PDE1C: variants seen among roughly 807,000 people sequenced by gnomAD.
PDE1C encodes the protein phosphodiesterase 1C.
A neutral mutation model predicts 93.1 loss-of-function variants in PDE1C; 62 were observed. The observed-to-expected ratio is 0.67, with a 90% CI of 0.54 to 0.82. PDE1C has a LOEUF of 0.82. PDE1C is among the 40% of genes least tolerant of loss of function. The probability of loss-of-function intolerance (pLI) is 0.00; values close to 1 mark genes in which losing one functional copy is unlikely to be tolerated. For missense variants in PDE1C, 742 were observed against 884.6 expected, an observed-to-expected ratio of 0.84 and a Z score of 2.04; for synonymous variants, 325 against 310.1, an observed-to-expected ratio of 1.05 and a Z score of -0.50.
chr7:31,983,945 G>C (rs1783035036), intron 2 of PDE1C, among the ~76,000 whole-genome samples: 1 of 152,176 alleles, frequency 6.6e-6, no homozygotes, highest in African/African-American at 2.4e-5. Flanking sequence ...ATGTGGGGTG[G>C]AGTAGGTCAA....
chr7:31,956,124 G>A (rs1458733685), intron 2 of PDE1C, among the ~76,000 whole-genome samples: 1 of 151,438 alleles, frequency 6.6e-6, no homozygotes. Context: ...TTTTTTTTGA[G>A]ACAGAGTCGC....
At position 32,394,426 on chromosome 7, in the gene PDE1C, T is replaced by C. The variant is rs143089313; in HGVS notation, c.310+33396A>G. ...GGCCTACTAGAAGGTGTTTGGGTGATGGGGGAGGATCCCTCATTAATGGCT... is the reference window on the plus strand; with the variant it reads ...GGCCTACTAGAAGGTGTTTGGGTGACGGGGGAGGATCCCTCATTAATGGCT... On this transcript the variant is annotated intron_variant, in intron 1 of 1. Transcript: ENST00000672256. 1.5e-3 allele frequency among the ~76,000 whole-genome samples: 222 copies of C among 152,302 alleles called. 2 individuals carry two copies. The highest frequency in any genetic ancestry group is 4.3e-3 in the African/African-American group (179 of 41,564).
chr7:32,327,447 C>G (rs1783424424), intron 1 of PDE1C, among the ~76,000 whole-genome samples: 1 of 152,130 alleles, frequency 6.6e-6, no homozygotes, highest in Non-Finnish European at 1.5e-5. Flanking sequence ...GTAACATTAT[C>G]TGGGTTTCTA....
intron 2 of PDE1C, among the ~76,000 whole-genome samples, chr7:32,175,414 T>C (rs575181705): frequency 2.0e-4 from 31 of 152,220 alleles, no homozygotes; most frequent in Non-Finnish European, 3.8e-4. Context: ...AAATGCTTTA[T>C]TGCTGAAATA....
At position 32,319,784 on chromosome 7, in the gene PDE1C, C is replaced by A. The variant is rs569295993; in HGVS notation, c.310+108038G>T. On this transcript the variant is annotated intron_variant, in intron 1 of 1. Coordinates refer to the PDE1C transcript ENST00000672256. ...GCTCTGGGTATGAAGGCTGAAAAGT[C>A]AAATGGATTCTGAAGTGAAATTGCT... is the stretch of plus-strand genomic sequence containing the variant. Among the ~76,000 whole-genome samples the A allele has an allele frequency of 8.5e-5, 13 of 152,290 alleles. No homozygotes were observed. The South Asian group carries it at 2.7e-3, about 32-fold the overall frequency.
intron 16 of PDE1C, among the ~76,000 whole-genome samples, chr7:31,794,081 C>CAGATAGATAGATAGATAGAT (rs1213702808): frequency 5.1e-4 from 69 of 135,734 alleles, no homozygotes; most frequent in South Asian, 1.8e-3. Flanking sequence ...GACAGACAGA[C>CAGATAGATAGATAGATAGAT]AGACAGACAG....
chr7:31,651,095 G>A, the PDE1C span: 2 of 1,588,092 alleles, frequency 1.3e-6, no homozygotes, highest in Non-Finnish European at 1.7e-6. Flanking sequence ...AGCTCTTGCA[G>A]AGGATCAGAG....
intron 1 of PDE1C, among the ~76,000 whole-genome samples, chr7:32,417,164 T>G (rs1785292137): frequency 6.6e-6 from 1 of 152,142 alleles, no homozygotes; most frequent in South Asian, 2.1e-4. Context: ...CATAGTCAGT[T>G]CTGTGGCACA....
intron 1 of PDE1C, among the ~76,000 whole-genome samples, chr7:32,325,723 C>T (rs1204832303): frequency 6.6e-6 from 1 of 152,198 alleles, no homozygotes; most frequent in Non-Finnish European, 1.5e-5. Context: ...GCCACCAATT[C>T]CTCTTCCAGT....
At chr7:32,130,210 A>C (rs1799840251) in intron 3 of PDE1C, among the ~76,000 whole-genome samples, 1 of 152,044 alleles carries the variant, frequency 6.6e-6, no homozygotes, top group African/African-American at 2.4e-5. Context: ...CAAAACAACT[A>C]TCTTTCCCTC....
the PDE1C span, among the ~76,000 whole-genome samples, chr7:31,670,568 A>C: frequency 1.3e-5 from 2 of 152,262 alleles, no homozygotes; most frequent in African/African-American, 4.8e-5. Flanking sequence ...GATTCTAAAA[A>C]GGTTGAAGTA....
intron 1 of PDE1C, among the ~76,000 whole-genome samples, chr7:32,307,775 A>G (rs907802671): frequency 6.6e-6 from 1 of 152,250 alleles, no homozygotes; most frequent in Non-Finnish European, 1.5e-5. Context: ...GAATAGGAAC[A>G]GCTCCAGTCT....
At chr7:31,696,498 A>C in the PDE1C span, among the ~76,000 whole-genome samples, 1 of 152,224 alleles carries the variant, frequency 6.6e-6, no homozygotes, top group African/African-American at 2.4e-5. Context: ...GAAAAATTTC[A>C]CTGTAGCATA....
At chr7:31,660,732 C>T in the PDE1C span, among the ~76,000 whole-genome samples, 1 of 151,954 alleles carries the variant, frequency 6.6e-6, no homozygotes, top group Non-Finnish European at 1.5e-5. Flanking sequence ...TTTCTGTAAA[C>T]CACTTCAAAT....
intron 1 of PDE1C, among the ~76,000 whole-genome samples, chr7:32,386,810 A>C (rs1171307753): frequency 6.6e-6 from 1 of 152,098 alleles, no homozygotes; most frequent in Non-Finnish European, 1.5e-5. Context: ...CATTGTGCCA[A>C]ATAGCCGTCA....
At chr7:32,201,057 T>C (rs1804975680) in intron 2 of PDE1C, among the ~76,000 whole-genome samples, 1 of 152,246 alleles carries the variant, frequency 6.6e-6, no homozygotes, top group African/African-American at 2.4e-5. Context: ...CCATGCAGCA[T>C]AGCTGCAAAA....
the PDE1C span, chr7:31,642,312 C>A: frequency 1.6e-6 from 2 of 1,217,884 alleles, no homozygotes; most frequent in South Asian, 1.4e-5. Flanking sequence ...CCCACTTCAG[C>A]CCTATCAACC....
intron 1 of PDE1C, among the ~76,000 whole-genome samples, chr7:32,379,730 T>C (rs1321243216): frequency 2.0e-5 from 3 of 152,240 alleles, no homozygotes; most frequent in African/African-American, 7.2e-5. Context: ...TATTAGTGGC[T>C]GCCCTGTCTG....
intron 9 of PDE1C, among the ~76,000 whole-genome samples, chr7:31,843,032 G>T (rs1388318381): frequency 6.6e-6 from 1 of 151,720 alleles, no homozygotes; most frequent in Non-Finnish European, 1.5e-5. Flanking sequence ...CAAATATACA[G>T]GATTTTCCTA....
Sources: gnomAD v4.1 joint callset for allele counts (sites outside exome capture counted in the v4.1 genomes callset) on GRCh38, gnomAD v4.1.1 for gene constraint, MANE v1.5 for transcripts, NCBI Gene and HGNC (gene_info 2026-07-23, HGNC 2026-07-21) for gene names.